Variants in SMAP1 observed in about 807,000 individuals in gnomAD.
SMAP1 encodes small ArfGAP 1.
A neutral mutation model predicts 58.5 loss-of-function variants in SMAP1; 24 were observed. The ratio of observed to expected loss-of-function variants is 0.41; its 90% CI spans 0.30 to 0.58. SMAP1 has a LOEUF of 0.58. SMAP1 is among the 20% of genes least tolerant of loss of function. SMAP1 has a pLI of 0.29. For synonymous variants in SMAP1, 216 were observed against 196.6 expected (o/e 1.10, Z -0.82); for missense variants, 563 against 566.3 (o/e 0.99, Z 0.06).
intron 1 of SMAP1, among the ~76,000 whole-genome samples, chr6:70,699,417 T>C (rs1449191895): frequency 6.6e-6 from 1 of 152,122 alleles, no homozygotes; most frequent in Non-Finnish European, 1.5e-5. Flanking sequence ...ACCACTGATG[T>C]TCTCTCAAGG....
In SMAP1 at chr6:70,860,578, T is replaced by A; in HGVS notation, c.*244T>A. On this transcript the variant is annotated 3_prime_UTR_variant, in exon 11 of 11. Coordinates refer to ENST00000370455, the MANE Select transcript of SMAP1 (RefSeq NM_001044305.3). ...TTTCCCATGATTTCATGTACTGCAT[T>A]ATTTGAGAAGCTGCTCAACTTGCAA... The A allele has an allele frequency of 4.6e-6, 2 of 437,350 alleles. No homozygotes were observed. Among genetic ancestry groups the A allele is most frequent in the Admixed American group, 8.1e-5 (2 of 24,618 alleles). The allele number at this position is 437,350 out of a possible 1,614,324, so 27.1% of individuals were successfully genotyped here. A position where few individuals can be genotyped will look rare whatever the true frequency, so the allele number is the denominator to read the frequency against.
intron 1 of SMAP1, among the ~76,000 whole-genome samples, chr6:70,721,789 G>A (rs1019145592): frequency 6.6e-5 from 10 of 152,178 alleles, no homozygotes; most frequent in Non-Finnish European, 1.5e-4. Flanking sequence ...AAAAGAAAAT[G>A]AGGAAGAAGC....
intron 6 of SMAP1, among the ~76,000 whole-genome samples, chr6:70,822,046 T>A (rs1769914434): frequency 6.6e-6 from 1 of 152,198 alleles, no homozygotes; most frequent in South Asian, 2.1e-4. Context: ...AAGGCTTTTG[T>A]TCACTAAGCA....
chr6:70,832,697 A>C (rs922432535), intron 6 of SMAP1, among the ~76,000 whole-genome samples: 3 of 152,180 alleles, frequency 2.0e-5, no homozygotes, highest in Non-Finnish European at 4.4e-5. Flanking sequence ...TGGAAGCTGG[A>C]AGGGCAAGAG....
chr6:70,708,367 C>G (rs1380478654), intron 1 of SMAP1, among the ~76,000 whole-genome samples: 1 of 152,030 alleles, frequency 6.6e-6, no homozygotes, highest in African/African-American at 2.4e-5. Context: ...TTCATTCATC[C>G]GTTGATGGAC....
intron 2 of SMAP1, among the ~76,000 whole-genome samples, chr6:70,739,737 G>A (rs1297776879): frequency 6.6e-6 from 1 of 151,768 alleles, no homozygotes; most frequent in Non-Finnish European, 1.5e-5. Context: ...ATTACCTAAT[G>A]GCAATATTTA....
chr6:70,714,116 G>T (rs1261976537), intron 1 of SMAP1, among the ~76,000 whole-genome samples: 1 of 151,836 alleles, frequency 6.6e-6, no homozygotes, highest in Non-Finnish European at 1.5e-5. Flanking sequence ...CCACGTATGT[G>T]TGTCCTTGAA....
rs1390452506 is a variant in SMAP1, at chr6:70,861,813, A to G, written c.*1479A>G. On this transcript the variant is annotated 3_prime_UTR_variant, in exon 11 of 11. Transcript: ENST00000370455. ...ATGGTGACACTCGAGGTCGGGCAGC[A>G]CAAGTGTAATGAATACCTTAGTGCA... The G allele has an allele frequency of 1.9e-6, 3 of 1,614,106 alleles. No individual in the cohort carries two copies. Among genetic ancestry groups the G allele is most frequent in the Non-Finnish European group, 2.5e-6 (3 of 1,179,982 alleles).
In SMAP1 at chr6:70,763,106, C is replaced by CTTTTTTTTTTTTT. The variant is rs35936929; in HGVS notation, c.338+8053_338+8065dup. Among the ~76,000 whole-genome samples, 9 of 84,462 alleles carry CTTTTTTTTTTTTT rather than the reference C, an allele frequency of 1.1e-4. 1 individual carries two copies. The highest frequency in any genetic ancestry group is 1.5e-4 in the Admixed American group (1 of 6,648). 55.4% of individuals were successfully genotyped at this position (84,462 alleles called of 152,430 possible). ...CTTTATTTGCACTGTACAGATATTA[C>CTTTTTTTTTTTTT]TTTTTTTTTTTTTTTTTTTTTTTTA... On this transcript the variant is annotated intron_variant, in intron 3 of 10. Coordinates refer to ENST00000370455, the MANE Select transcript of SMAP1 (RefSeq NM_001044305.3).
intron 6 of SMAP1, among the ~76,000 whole-genome samples, chr6:70,835,346 C>T (rs1297834034): frequency 6.9e-6 from 1 of 144,136 alleles, no homozygotes; most frequent in Non-Finnish European, 1.5e-5. Context: ...GATTAAAAAA[C>T]AAATAAGGGT....
intron 6 of SMAP1, among the ~76,000 whole-genome samples, chr6:70,810,303 C>G (rs139531357): frequency 6.6e-6 from 1 of 152,246 alleles, no homozygotes; most frequent in African/African-American, 2.4e-5. Flanking sequence ...ACCAATGTGC[C>G]TGTCTCTCCT....
chr6:70,698,389 T>A (rs1222262704), intron 1 of SMAP1, among the ~76,000 whole-genome samples: 1 of 152,172 alleles, frequency 6.6e-6, no homozygotes, highest in Non-Finnish European at 1.5e-5. Flanking sequence ...CTTATTTCGG[T>A]TAAATCTGTA....
At chr6:70,720,858 C>A (rs1768493824) in intron 1 of SMAP1, among the ~76,000 whole-genome samples, 1 of 151,998 alleles carries the variant, frequency 6.6e-6, no homozygotes, top group Admixed American at 6.6e-5. Context: ...ACTTTTTCCT[C>A]CTGGGCCTCC....
chr6:70,819,050 G>T (rs554380338), intron 6 of SMAP1, among the ~76,000 whole-genome samples: 1 of 151,930 alleles, frequency 6.6e-6, no homozygotes, highest in Admixed American at 6.6e-5. Flanking sequence ...ACAGCTCCTG[G>T]CAACCACTAA....
intron 1 of SMAP1, among the ~76,000 whole-genome samples, chr6:70,726,405 C>T (rs1768787259): frequency 6.6e-6 from 1 of 152,112 alleles, no homozygotes; most frequent in African/African-American, 2.4e-5. Flanking sequence ...CACTGTTTCT[C>T]AGAAAAGACA....
At chr6:70,751,252 T>A (rs1022889660) in intron 2 of SMAP1, among the ~76,000 whole-genome samples, 28 of 152,026 alleles carry the variant, frequency 1.8e-4, no homozygotes, top group Non-Finnish European at 4.4e-5. Flanking sequence ...AAAAAATAAA[T>A]AAAAATAAAA....
chr6:70,820,591 A>G (rs552401510), intron 6 of SMAP1, among the ~76,000 whole-genome samples: 17 of 152,138 alleles, frequency 1.1e-4, no homozygotes, highest in Non-Finnish European at 2.1e-4. Context: ...CTGTAATCCC[A>G]GCTACTCAGG....
At chr6:70,747,087 A>C (rs1043428584) in intron 2 of SMAP1, among the ~76,000 whole-genome samples, 10 of 152,194 alleles carry the variant, frequency 6.6e-5, no homozygotes, top group Admixed American at 2.6e-4. Context: ...TAATGGTAGA[A>C]GATAGCATTC....
chr6:70,763,796 AGC>A (rs1766852821), intron 3 of SMAP1, among the ~76,000 whole-genome samples: 1 of 152,264 alleles, frequency 6.6e-6, no homozygotes, highest in South Asian at 2.1e-4. Flanking sequence ...CATTTCCTTA[AGC>A]CAAAGCCTAA....
Sources: gnomAD v4.1 joint callset for allele counts (sites outside exome capture counted in the v4.1 genomes callset) on GRCh38, gnomAD v4.1.1 for gene constraint, MANE v1.5 for transcripts, NCBI Gene and HGNC (gene_info 2026-07-23, HGNC 2026-07-21) for gene names.